Variants in SLC9A9 observed in about 807,000 individuals in gnomAD.
SLC9A9 encodes the protein solute carrier family 9 member A9, also known as sodium/hydrogen exchanger 9.
SLC9A9 carries 62 observed loss-of-function variants against 77.8 expected under a neutral mutation model. The observed-to-expected ratio is 0.80, with a 90% CI of 0.65 to 0.98. The LOEUF (loss-of-function observed/expected upper bound fraction) is 0.98. Ranked by LOEUF, SLC9A9 falls within the 50% of genes least tolerant of loss-of-function variation. SLC9A9 has a pLI of 0.00. For missense variants in SLC9A9, 775 were observed against 774.9 expected, an observed-to-expected ratio of 1.00 and a Z score of 0.00; for synonymous variants, 320 against 283.5, an observed-to-expected ratio of 1.13 and a Z score of -1.29.
intron 9 of SLC9A9, among the ~76,000 whole-genome samples, chr3:143,513,117 A>T (rs1317236658): frequency 2.0e-5 from 3 of 152,170 alleles, no homozygotes; most frequent in Non-Finnish European, 4.4e-5. Context: ...GCTAAATTGA[A>T]TGACTCTCCT....
At chr3:143,647,523 A>C (rs2038725629) in intron 6 of SLC9A9, among the ~76,000 whole-genome samples, 1 of 152,236 alleles carries the variant, frequency 6.6e-6, no homozygotes, top group Admixed American at 6.5e-5. Context: ...GAAGAGTATA[A>C]AATAAAGAGT....
At chr3:143,424,946 A>C (rs1031252048) in intron 12 of SLC9A9, among the ~76,000 whole-genome samples, 2 of 152,206 alleles carry the variant, frequency 1.3e-5, no homozygotes, top group African/African-American at 4.8e-5. Context: ...TGGCAACCAC[A>C]CAGTACTTAA....
intron 4 of SLC9A9, among the ~76,000 whole-genome samples, chr3:143,777,648 T>A (rs1386702502): frequency 6.6e-6 from 1 of 152,088 alleles, no homozygotes; most frequent in Non-Finnish European, 1.5e-5. Context: ...TCTCAAACTC[T>A]CTGTGGTGAA....
chr3:143,819,511 C>T (rs1327420037), intron 2 of SLC9A9, among the ~76,000 whole-genome samples: 1 of 152,168 alleles, frequency 6.6e-6, no homozygotes, highest in Non-Finnish European at 1.5e-5. Context: ...GACCAAGTCA[C>T]TTAAGCTTCC....
chr3:143,510,176 G>A (rs1478965648), intron 9 of SLC9A9, among the ~76,000 whole-genome samples: 4 of 152,110 alleles, frequency 2.6e-5, no homozygotes, highest in Non-Finnish European at 5.9e-5. Context: ...GTAGTGAGAA[G>A]GACAATTGTA....
intron 2 of SLC9A9, among the ~76,000 whole-genome samples, chr3:143,829,353 A>T (rs528539773): frequency 9.2e-5 from 14 of 152,280 alleles, no homozygotes; most frequent in African/African-American, 3.4e-4. Context: ...CAAAGCATCC[A>T]GGTTTTTCAT....
At chr3:143,355,175 C>A (rs2032553945) in intron 14 of SLC9A9, among the ~76,000 whole-genome samples, 1 of 152,146 alleles carries the variant, frequency 6.6e-6, no homozygotes, top group Non-Finnish European at 1.5e-5. Context: ...CCAAGTGAAA[C>A]CTTTCCTTTA....
At chr3:143,628,331 G>C (rs1003790397) in intron 6 of SLC9A9, among the ~76,000 whole-genome samples, 2 of 152,176 alleles carry the variant, frequency 1.3e-5, no homozygotes, top group African/African-American at 4.8e-5. Context: ...TCATGGCCTA[G>C]CCTAGCCTAC....
intron 6 of SLC9A9, among the ~76,000 whole-genome samples, chr3:143,587,105 C>T (rs541693175): frequency 1.3e-5 from 2 of 152,152 alleles, no homozygotes; most frequent in Non-Finnish European, 2.9e-5. Flanking sequence ...AGAGGAATTC[C>T]GTGGGAAGGA....
intron 9 of SLC9A9, among the ~76,000 whole-genome samples, chr3:143,515,450 G>A (rs1010448567): frequency 6.6e-6 from 1 of 152,138 alleles, no homozygotes; most frequent in Non-Finnish European, 1.5e-5. Context: ...ACAATAAAGA[G>A]AAGCACAATA....
rs114601388 is a variant in SLC9A9, at chr3:143,752,656, T to C, written c.533+42345A>G. On this transcript the variant is annotated intron_variant, in intron 4 of 15. Transcript: ENST00000316549. ...CACAGAGCCGCAACTCTTGAAAGGG[T>C]ACCAGGAGAGCTATGTGAAAAGGTT... Among the ~76,000 whole-genome samples the C allele has an allele frequency of 6.5e-3, 985 of 151,370 alleles. 11 individuals are homozygous for C. The highest frequency in any genetic ancestry group is 0.022 in the African/African-American group (924 of 41,216).
At chr3:143,670,241 C>T (rs1057237725) in intron 5 of SLC9A9, among the ~76,000 whole-genome samples, 2 of 152,184 alleles carry the variant, frequency 1.3e-5, no homozygotes, top group African/African-American at 4.8e-5. Flanking sequence ...CTATGGGTCT[C>T]ACTCCAAACT....
intron 6 of SLC9A9, among the ~76,000 whole-genome samples, chr3:143,582,624 C>T (rs1022125571): frequency 7.9e-5 from 12 of 152,044 alleles, no homozygotes; most frequent in Non-Finnish European, 1.5e-4. Context: ...AGGCAGGTAC[C>T]GCAGAGAAAT....
At chr3:143,695,040 G>A (rs1196078685) in intron 4 of SLC9A9, among the ~76,000 whole-genome samples, 2 of 152,090 alleles carry the variant, frequency 1.3e-5, no homozygotes, top group Admixed American at 1.3e-4. Flanking sequence ...CTGGGAAAAG[G>A]CAAGTCTAAG....
intron 14 of SLC9A9, among the ~76,000 whole-genome samples, chr3:143,350,224 C>A (rs561350468): frequency 6.6e-6 from 1 of 152,134 alleles, no homozygotes; most frequent in African/African-American, 2.4e-5. Context: ...CCCAATAATG[C>A]GGCATCAGAT....
At chr3:143,354,707 T>C (rs2032544174) in intron 14 of SLC9A9, among the ~76,000 whole-genome samples, 1 of 152,252 alleles carries the variant, frequency 6.6e-6, no homozygotes, top group African/African-American at 2.4e-5. Context: ...TAAAACTAAA[T>C]TCAATACTGG....
intron 4 of SLC9A9, among the ~76,000 whole-genome samples, chr3:143,726,087 T>C (rs933274732): frequency 1.3e-5 from 2 of 151,960 alleles, no homozygotes; most frequent in African/African-American, 4.8e-5. Context: ...TTGAAAATAA[T>C]TTTAATAGCT....
Position 143,641,459 on chromosome 3 carries a change from T to C in SLC9A9, c.755+10796A>G, listed in dbSNP as rs890734789. Among the ~76,000 whole-genome samples the C allele has an allele frequency of 2.4e-5, 3 of 127,634 alleles. No individual in the cohort carries two copies. The Admixed American group carries it at 2.9e-4, about 12-fold the overall frequency. 83.7% of individuals were successfully genotyped at this position (127,634 alleles called of 152,430 possible). On this transcript the variant is annotated intron_variant, in intron 6 of 15. Transcript: ENST00000316549. ...TAGGCAACAGAGTGCAGTGGCGCAA[T>C]CTTGACTCACTGCAAGCTCTGCCTC...
chr3:143,517,239 C>A lies in SLC9A9; in HGVS notation c.1090-21791G>T, dbSNP rs563985547. The A allele has an allele frequency of 2.1e-5, 27 of 1,264,454 alleles. No individual in the cohort carries two copies. In the East Asian group the frequency reaches 6.0e-4, roughly 28 times the overall value. 78.3% of individuals were successfully genotyped at this position (1,264,454 alleles called of 1,614,324 possible). A position where few individuals can be genotyped will look rare whatever the true frequency, so the allele number is the denominator to read the frequency against. On this transcript the variant is annotated intron_variant, in intron 9 of 15. Transcript: ENST00000316549. ...GCCACATCCTGGAAGGCCACCATAA[C>A]TTCTGGATCCTGCATGGCGGCAAGA...
Sources: allele counts gnomAD v4.1 joint callset (sites outside exome capture counted in the v4.1 genomes callset), GRCh38; gene constraint gnomAD v4.1.1; transcripts MANE v1.5; gene names NCBI Gene and HGNC (gene_info 2026-07-23, HGNC 2026-07-21).